NAV1: variants seen among roughly 807,000 people sequenced by gnomAD.
The protein encoded by NAV1 is pore membrane and/or filament interacting like protein 3.
In NAV1, 18 loss-of-function variants were observed where a neutral mutation model predicts 175.2. That is an observed-to-expected ratio of 0.10 (90% CI 0.07 to 0.15). The LOEUF (loss-of-function observed/expected upper bound fraction) is 0.15. Among genes scored for constraint, NAV1 ranks in the 10% least tolerant of loss-of-function variants. The pLI is 1.00. For missense variants in NAV1, 1,731 were observed against 2,436.6 expected, an observed-to-expected ratio of 0.71 and a Z score of 6.10; for synonymous variants, 897 against 978.7, an observed-to-expected ratio of 0.92 and a Z score of 1.56.
chr1:201,753,280 C>T (rs1396117477), intron 3 of NAV1, among the ~76,000 whole-genome samples: 1 of 152,122 alleles, frequency 6.6e-6, no homozygotes, highest in Non-Finnish European at 1.5e-5. Flanking sequence ...TGATGAGCCC[C>T]TGTAAGAACT....
chr1:201,797,368 C>A (rs990907957), intron 15 of NAV1: 1 of 152,094 alleles, frequency 6.6e-6, no homozygotes, highest in African/African-American at 2.4e-5. Context: ...CAGTTCTATT[C>A]CATTCTTCTA....
At chr1:201,574,529 G>A (rs938948600) in intron 1 of NAV1, among the ~76,000 whole-genome samples, 10 of 152,102 alleles carry the variant, frequency 6.6e-5, no homozygotes, top group Non-Finnish European at 1.3e-4. Flanking sequence ...GCAAGCAAAG[G>A]AACTCAGCCC....
intron 3 of NAV1, among the ~76,000 whole-genome samples, chr1:201,725,344 C>T (rs1672559110): frequency 6.6e-6 from 1 of 152,176 alleles, no homozygotes; most frequent in Admixed American, 6.5e-5. Flanking sequence ...AGTTTTTGCT[C>T]ATGGAACCCA....
At chr1:201,675,042 A>G (rs1670192597) in intron 1 of NAV1, among the ~76,000 whole-genome samples, 1 of 151,854 alleles carries the variant, frequency 6.6e-6, no homozygotes, top group South Asian at 2.1e-4. Flanking sequence ...AAAAAAAAAA[A>G]AAAAAAGAAC....
At chr1:201,735,511 G>A (rs566329329) in intron 3 of NAV1, among the ~76,000 whole-genome samples, 11 of 152,320 alleles carry the variant, frequency 7.2e-5, no homozygotes, top group African/African-American at 2.6e-4. Context: ...CCACATTCAT[G>A]CATGAGGAAC....
intron 1 of NAV1, among the ~76,000 whole-genome samples, chr1:201,577,976 G>A (rs1666742702): frequency 6.6e-6 from 1 of 151,998 alleles, no homozygotes; most frequent in Non-Finnish European, 1.5e-5. Flanking sequence ...ATTTCTTTAG[G>A]TCTATCTTGT....
intron 3 of NAV1, among the ~76,000 whole-genome samples, chr1:201,754,367 A>G (rs748340819): frequency 2.6e-5 from 4 of 152,222 alleles, no homozygotes; most frequent in Non-Finnish European, 4.4e-5. Flanking sequence ...AGGAACAGAA[A>G]GAGAATGCTG....
intron 2 of NAV1, among the ~76,000 whole-genome samples, chr1:201,603,308 AG>A (rs1358081407): frequency 3.9e-5 from 6 of 152,172 alleles, no homozygotes; most frequent in Non-Finnish European, 8.8e-5. Context: ...TGCCACCTTA[AG>A]TATCTCTTCT....
chr1:201,604,975 T>G (rs1419352173), intron 2 of NAV1, among the ~76,000 whole-genome samples: 1 of 152,206 alleles, frequency 6.6e-6, no homozygotes, highest in East Asian at 1.9e-4. Flanking sequence ...CTTCTTTTTG[T>G]CTAAATATTT....
rs776718904 is a variant in NAV1, at chr1:201,810,617, G to A, written c.4656G>A (p.Arg1552=). 2.5e-6 allele frequency: 4 copies of A among 1,614,080 alleles called. No individual in the cohort carries two copies. Among genetic ancestry groups the A allele is most frequent in the Non-Finnish European group, 3.4e-6 (4 of 1,179,990 alleles). The change falls in exon 24 of 30, where the codon CGG becomes CGA. Residue 1552 remains arginine (R), a synonymous_variant. Coordinates refer to ENST00000367296, the Ensembl canonical transcript of NAV1. This position sits in a 1 kb window ranked among gnomAD's most constrained non-coding sequence, Gnocchi z 6.0. ...ACATAAGCCTCCTGCTGAAGCACCGGCGCCTCGTCCTCTCGGGCCCCAGCG... is the reference window on the plus strand; with the variant it reads ...ACATAAGCCTCCTGCTGAAGCACCGACGCCTCGTCCTCTCGGGCCCCAGCG...
chr1:201,771,500 G>GAAAA (rs55864064), intron 3 of NAV1, among the ~76,000 whole-genome samples: 3 of 86,832 alleles, frequency 3.5e-5, no homozygotes, highest in Non-Finnish European at 4.6e-5. Context: ...ACTTCGTCTA[G>GAAAA]AAAAAAAAAA....
At chr1:201,663,457 T>A (rs1391912306) in intron 1 of NAV1, among the ~76,000 whole-genome samples, 1 of 152,198 alleles carries the variant, frequency 6.6e-6, no homozygotes, top group African/African-American at 2.4e-5. Flanking sequence ...GATTCAGGCC[T>A]GACCTATAGC....
At chr1:201,649,918 G>T (rs1159275660) in intron 1 of NAV1, among the ~76,000 whole-genome samples, 1 of 152,082 alleles carries the variant, frequency 6.6e-6, no homozygotes, top group Non-Finnish European at 1.5e-5. Context: ...CACTTCCTCT[G>T]TGGATCCCGA....
At chr1:201,712,902 G>A (rs779076569) in exon 2 of NAV1, 39 of 1,613,344 alleles carry the variant, frequency 2.4e-5, no homozygotes, top group Non-Finnish European at 3.0e-5. Context: ...GCCTGCGAGG[G>A]TCCCAGGTGA....
At chr1:201,544,180 C>T (rs1418887948) in intron 1 of NAV1, among the ~76,000 whole-genome samples, 1 of 152,202 alleles carries the variant, frequency 6.6e-6, no homozygotes. Context: ...GATTCAGCTT[C>T]ACTTGGTTTG....
rs895761543 is a variant in NAV1, at chr1:201,812,320, T to C, written c.5025-145T>C. The C allele has an allele frequency of 1.0e-5, 8 of 784,950 alleles. No homozygotes were observed. Among genetic ancestry groups the C allele is most frequent in the African/African-American group, 1.7e-5 (1 of 57,728 alleles). The allele number at this position is 784,950 out of a possible 1,614,324, so 48.6% of individuals were successfully genotyped here. ...ACCACCCCAGGGCTGCTGCTCTGAG[T>C]TCCGATGTCCCCACTATTACTTGAA... is the stretch of plus-strand genomic sequence containing the variant. On this transcript the variant is annotated intron_variant, in intron 26 of 29. Coordinates refer to ENST00000367296, the Ensembl canonical transcript of NAV1. This position sits in a 1 kb window ranked among gnomAD's most constrained non-coding sequence, Gnocchi z 4.6.
intron 17 of NAV1, among the ~76,000 whole-genome samples, chr1:201,805,916 G>A (rs1247118239): frequency 6.6e-6 from 1 of 151,636 alleles, no homozygotes; most frequent in Non-Finnish European, 1.5e-5. Context: ...GTGAGACCCT[G>A]TCTCCAAAAA....
chr1:201,778,772 A>G (rs1676112900), intron 3 of NAV1, among the ~76,000 whole-genome samples: 2 of 152,242 alleles, frequency 1.3e-5, no homozygotes, highest in South Asian at 2.1e-4. Context: ...CACATGAATT[A>G]GAGGGAGCCA....
chr1:201,658,614 C>G (rs1433270185), intron 1 of NAV1, among the ~76,000 whole-genome samples: 3 of 152,166 alleles, frequency 2.0e-5, no homozygotes, highest in South Asian at 4.2e-4. Flanking sequence ...ATGGCTGATC[C>G]GACATGGAGT....
Sources: allele counts gnomAD v4.1 joint callset (sites outside exome capture counted in the v4.1 genomes callset), GRCh38; gene constraint gnomAD v4.1.1; non-coding constraint Gnocchi (gnomAD v3.1); transcripts MANE v1.5; gene names NCBI Gene and HGNC (gene_info 2026-07-23, HGNC 2026-07-21).